The following CTNND2 variants were observed in gnomAD, a reference collection of about 807,000 sequenced individuals.
The protein encoded by CTNND2 is catenin delta-2.
A neutral mutation model predicts 144.4 loss-of-function variants in CTNND2; 22 were observed. That is an observed-to-expected ratio of 0.15 (90% CI 0.11 to 0.22). The LOEUF (loss-of-function observed/expected upper bound fraction) is 0.22. Among genes scored for constraint, CTNND2 ranks in the 10% least tolerant of loss-of-function variants. The pLI is 1.00. For missense variants in CTNND2, 1,353 were observed against 1,618.8 expected (o/e 0.84, Z 2.82); for synonymous variants, 751 against 695.6 (o/e 1.08, Z -1.25).
chr5:11,445,203 G>A (rs1764693442), intron 3 of CTNND2, among the ~76,000 whole-genome samples: 1 of 152,060 alleles, frequency 6.6e-6, no homozygotes, highest in African/African-American at 2.4e-5. Context: ...CAGCACTCTG[G>A]CTTACAGATG....
chr5:11,520,760 C>A (rs1772652320), intron 3 of CTNND2, among the ~76,000 whole-genome samples: 1 of 152,238 alleles, frequency 6.6e-6, no homozygotes. Context: ...GCCAGATGGG[C>A]AGCCCCAATT....
At chr5:11,151,920 G>T (rs762765216) in intron 12 of CTNND2, among the ~76,000 whole-genome samples, 10 of 152,110 alleles carry the variant, frequency 6.6e-5, no homozygotes, top group Admixed American at 2.0e-4. Context: ...ACTCCTTTTG[G>T]GGAAGAAAGG....
intron 1 of CTNND2, among the ~76,000 whole-genome samples, chr5:11,888,179 T>C (rs1377648549): frequency 6.6e-6 from 1 of 152,218 alleles, no homozygotes; most frequent in Non-Finnish European, 1.5e-5. Flanking sequence ...AAACAAAATG[T>C]TGTTGAAACT....
intron 1 of CTNND2, among the ~76,000 whole-genome samples, chr5:11,759,637 G>C (rs1001337368): frequency 3.3e-5 from 5 of 152,070 alleles, no homozygotes; most frequent in Admixed American, 2.6e-4. Flanking sequence ...GTATGCTAAA[G>C]ATTATCTATA....
At chr5:11,891,558 G>A (rs1325671778) in intron 1 of CTNND2, among the ~76,000 whole-genome samples, 2 of 152,168 alleles carry the variant, frequency 1.3e-5, no homozygotes, top group Non-Finnish European at 2.9e-5. Context: ...GTTAGATTAG[G>A]TGATGGGGAT....
chr5:11,351,851 TA>T (rs1160495241), intron 8 of CTNND2, among the ~76,000 whole-genome samples: 1 of 152,150 alleles, frequency 6.6e-6, no homozygotes, highest in Non-Finnish European at 1.5e-5. Flanking sequence ...ATAAAGTAAT[TA>T]AAGAATGTCC....
At chr5:11,398,110 A>C (rs1760305380) in intron 5 of CTNND2, among the ~76,000 whole-genome samples, 2 of 152,298 alleles carry the variant, frequency 1.3e-5, no homozygotes, top group East Asian at 1.9e-4. Flanking sequence ...TGTCAGTGGC[A>C]AAAACTTGGC....
intron 2 of CTNND2, among the ~76,000 whole-genome samples, chr5:11,690,745 A>G (rs1784870688): frequency 1.1e-5 from 1 of 94,076 alleles, no homozygotes; most frequent in Non-Finnish European, 1.8e-5. Flanking sequence ...TCCGTCTCAA[A>G]AAAAAAAAAA....
At chr5:11,326,054 G>A (rs573734895) in intron 9 of CTNND2, among the ~76,000 whole-genome samples, 45 of 152,214 alleles carry the variant, frequency 3.0e-4, no homozygotes, top group African/African-American at 9.1e-4. Flanking sequence ...CCACCTCTTC[G>A]TGAATTTTCA....
intron 1 of CTNND2, among the ~76,000 whole-genome samples, chr5:11,783,196 A>C (rs995950519): frequency 2.6e-5 from 4 of 152,184 alleles, no homozygotes; most frequent in African/African-American, 9.6e-5. Context: ...CGAGGGAGCC[A>C]AGAGAATGCA....
chr5:11,625,546 C>T (rs1178119924), intron 2 of CTNND2, among the ~76,000 whole-genome samples: 1 of 151,928 alleles, frequency 6.6e-6, no homozygotes, highest in Non-Finnish European at 1.5e-5. Context: ...AAAATCTTTG[C>T]AATCATGGAT....
intron 2 of CTNND2, among the ~76,000 whole-genome samples, chr5:11,616,291 C>CTAGTAGG (rs1397077506): frequency 5.3e-5 from 8 of 152,168 alleles, no homozygotes; most frequent in African/African-American, 1.9e-4. Flanking sequence ...TGTCAAGCAC[C>CTAGTAGG]TAAAAATATT....
At chr5:11,681,398 A>C (rs1267526877) in intron 2 of CTNND2, among the ~76,000 whole-genome samples, 1 of 152,158 alleles carries the variant, frequency 6.6e-6, no homozygotes, top group African/African-American at 2.4e-5. Flanking sequence ...TGAAGTCAAA[A>C]GCTTGTGTCT....
chr5:11,519,825 A>T (rs528112921), intron 3 of CTNND2, among the ~76,000 whole-genome samples: 1 of 152,068 alleles, frequency 6.6e-6, no homozygotes, highest in East Asian at 1.9e-4. Flanking sequence ...ATTTTACCTG[A>T]TAAGGAGTGA....
chr5:10,992,317 C>A (rs1738772586), intron 19 of CTNND2, among the ~76,000 whole-genome samples: 1 of 152,178 alleles, frequency 6.6e-6, no homozygotes, highest in African/African-American at 2.4e-5. Flanking sequence ...AATTCAGGTT[C>A]ATTACGTGCA....
At chr5:11,784,153 T>C (rs1357749913) in intron 1 of CTNND2, among the ~76,000 whole-genome samples, 1 of 152,228 alleles carries the variant, frequency 6.6e-6, no homozygotes, top group Non-Finnish European at 1.5e-5. Flanking sequence ...AAAAGAGCTA[T>C]TGTTGACCTG....
chr5:11,117,388 T>C, intron 13 of CTNND2, 62 bp downstream of exon 13: 3 of 1,276,400 alleles, frequency 2.4e-6, no homozygotes, highest in Non-Finnish European at 3.4e-6. Flanking sequence ...TTGTTAGCTA[T>C]TGTTGAGTCC....
At chr5:11,157,031 T>C (rs7732411) in intron 12 of CTNND2, among the ~76,000 whole-genome samples, 10,453 of 152,120 alleles carry the variant, frequency 0.069, 1,150 homozygotes, top group African/African-American at 0.23. Flanking sequence ...CTCTGTGTGA[T>C]AGGGTGGGGA....
intron 14 of CTNND2, among the ~76,000 whole-genome samples, chr5:11,110,176 T>A (rs1752817250): frequency 6.6e-6 from 1 of 152,160 alleles, no homozygotes; most frequent in Admixed American, 6.5e-5. Context: ...ACTGTTCTGA[T>A]GCATCAGGGT....
Sources: allele counts gnomAD v4.1 joint callset (sites outside exome capture counted in the v4.1 genomes callset), GRCh38; gene constraint gnomAD v4.1.1; transcripts MANE v1.5; gene names NCBI Gene and HGNC (gene_info 2026-07-23, HGNC 2026-07-21).